The following ZNF33A variants were observed in gnomAD, a reference collection of about 807,000 sequenced individuals.
ZNF33A encodes the protein zinc finger protein 33A.
ZNF33A carries 9 observed loss-of-function variants against 15.9 expected under a neutral mutation model. The ratio of observed to expected loss-of-function variants is 0.57; its 90% confidence interval spans 0.34 to 0.99. The LOEUF is 0.99. ZNF33A is among the 50% of genes least tolerant of loss of function. ZNF33A has a pLI of 0.02. For synonymous variants in ZNF33A, 294 were observed against 324.2 expected (o/e 0.91, Z 1.00); for missense variants, 843 against 941.6 (o/e 0.90, Z 1.37).
At chr10:38,015,925 G>A (rs1275289302) in intron 2 of ZNF33A, 3 of 1,112,026 alleles carry the variant, frequency 2.7e-6, no homozygotes, top group African/African-American at 1.6e-5. Flanking sequence ...TGTAATTTCA[G>A]TATATGCTCA....
Position 38,055,293 on chromosome 10 carries a change from G to T in ZNF33A, c.1169G>T (p.Cys390Phe). ...TGEKPFECNE[C>F]GKAFSHKSAL... ...GAGAAACCTTTTGAATGCAATGAATGTGGGAAAGCCTTTAGCCATAAGTCA... is the reference window on the plus strand; with the variant it reads ...GAGAAACCTTTTGAATGCAATGAATTTGGGAAAGCCTTTAGCCATAAGTCA... Residue 390 changes from cysteine to phenylalanine, a missense_variant, in exon 5 of 5, where the codon TGT becomes TTT. Cys to Phe is a radical substitution (Grantham distance 205, BLOSUM62 -2). Coordinates refer to ENST00000432900, the MANE Select transcript of ZNF33A (RefSeq NM_006954.2). 3 of 1,614,104 alleles carry T rather than the reference G, an allele frequency of 1.9e-6. No homozygotes were observed. The highest frequency in any genetic ancestry group is 1.3e-5 in the African/African-American group (1 of 75,040).
downstream of ZNF33A, among the ~76,000 whole-genome samples, chr10:38,060,587 T>C (rs949372330): frequency 7.2e-5 from 11 of 152,188 alleles, 1 homozygote; most frequent in African/African-American, 7.2e-5. Context: ...CTAGATCTTA[T>C]CTGTCCAGTG....
At chr10:38,023,878 G>T (rs1175973078) in intron 4 of ZNF33A, among the ~76,000 whole-genome samples, 1 of 152,150 alleles carries the variant, frequency 6.6e-6, no homozygotes, top group Non-Finnish European at 1.5e-5. Context: ...AAAACCTCAG[G>T]CCAGGCGCAG....
intron 4 of ZNF33A, among the ~76,000 whole-genome samples, chr10:38,035,587 G>A (rs2065413521): frequency 6.6e-6 from 1 of 152,102 alleles, no homozygotes; most frequent in Non-Finnish European, 1.5e-5. Flanking sequence ...AAGTAATTAA[G>A]GTCAGGACTT....
At chr10:38,065,492 A>G (rs1231540008), downstream of ZNF33A, among the ~76,000 whole-genome samples, 1 of 152,228 alleles carries the variant, frequency 6.6e-6, no homozygotes, top group East Asian at 1.9e-4. Context: ...GGCAGTTTGT[A>G]AAACTGTTAC....
intron 4 of ZNF33A, among the ~76,000 whole-genome samples, chr10:38,024,936 C>A (rs1029422337): frequency 6.6e-6 from 1 of 152,220 alleles, no homozygotes; most frequent in African/African-American, 2.4e-5. Flanking sequence ...TTTATTGTCA[C>A]AATATGTGTT....
intron 4 of ZNF33A, among the ~76,000 whole-genome samples, chr10:38,051,478 G>GAATACATGTTACTTTCAATTAT (rs1464020637): frequency 6.6e-6 from 1 of 151,936 alleles, no homozygotes; most frequent in Non-Finnish European, 1.5e-5. Flanking sequence ...CATTTGCCAA[G>GAATACATGTTACTTTCAATTAT]AATACATGTT....
chr10:38,067,254 A>G (rs1277535744), downstream of ZNF33A, among the ~76,000 whole-genome samples: 1 of 152,154 alleles, frequency 6.6e-6, no homozygotes, highest in Non-Finnish European at 1.5e-5. Context: ...CTTTCAGTTC[A>G]TTCTTAACAT....
At chr10:38,062,338 A>G (rs1482964523), downstream of ZNF33A, among the ~76,000 whole-genome samples, 1 of 152,200 alleles carries the variant, frequency 6.6e-6, no homozygotes, top group African/African-American at 2.4e-5. Context: ...CATGGTTCAC[A>G]CAAATGGACG....
intron 4 of ZNF33A, among the ~76,000 whole-genome samples, chr10:38,019,229 T>C (rs1321600855): frequency 6.6e-6 from 1 of 151,158 alleles, no homozygotes; most frequent in African/African-American, 2.4e-5. Context: ...AGTGAGAACA[T>C]GCAGTGTTTG....
intron 4 of ZNF33A, among the ~76,000 whole-genome samples, chr10:38,023,864 GA>G (rs912969410): frequency 5.9e-5 from 9 of 152,034 alleles, no homozygotes; most frequent in Non-Finnish European, 1.0e-4. Context: ...AGGAATCTTA[GA>G]AAAAAACCTC....
downstream of ZNF33A, among the ~76,000 whole-genome samples, chr10:38,060,769 A>G (rs1392467089): frequency 2.0e-5 from 3 of 152,182 alleles, no homozygotes; most frequent in Non-Finnish European, 2.9e-5. Context: ...GACAGGTTCC[A>G]TATTATGGCA....
downstream of ZNF33A, among the ~76,000 whole-genome samples, chr10:38,063,052 C>T (rs1352926246): frequency 1.3e-5 from 2 of 149,280 alleles, no homozygotes; most frequent in Non-Finnish European, 3.0e-5. Flanking sequence ...TATCCTGTGC[C>T]GGTCATCTGG....
rs1564879846 is a variant in ZNF33A at position 38,055,444 on chromosome 10, CTATGAATGT to C, written c.1330_1338del (p.Tyr444_Cys446del). 1 of 1,614,042 alleles carries C rather than the reference CTATGAATGT, an allele frequency of 6.2e-7. No homozygotes were observed. Among genetic ancestry groups the C allele is most frequent in the South Asian group, 1.1e-5 (1 of 91,080 alleles). On this transcript the variant is annotated inframe_deletion, in exon 5 of 5. Coordinates refer to ENST00000432900, the MANE Select transcript of ZNF33A (RefSeq NM_006954.2). Reference sequence around the variant, plus strand: ...AGAGAACACACACAGGGCTGAAACCCTATGAATGTTATGAATGTGGAAAATCCTTCCGTG... The same window carrying C: ...AGAGAACACACACAGGGCTGAAACCCTATGAATGTGGAAAATCCTTCCGTG...
In ZNF33A at chr10:38,057,320, T is replaced by TCC. The variant is rs2066527384; in HGVS notation, c.*761_*762dup. The TCC allele has an allele frequency of 3.0e-6, 3 of 985,294 alleles. No individual in the cohort carries two copies. Among genetic ancestry groups the TCC allele is most frequent in the Non-Finnish European group, 3.6e-6 (3 of 829,932 alleles). The allele number at this position is 985,294 out of a possible 1,614,324, so 61.0% of individuals were successfully genotyped here. On this transcript the variant is annotated 3_prime_UTR_variant, in exon 5 of 5. Coordinates refer to ENST00000432900, the MANE Select transcript of ZNF33A (RefSeq NM_006954.2). ...GCTTTCTGCAACCCTATCCCTTGCA[T>TCC]CCACTTGACTATGAAGTTTTTTTAA...
Position 38,017,047 on chromosome 10 carries a change from G to A in ZNF33A, c.154+32G>A, listed in dbSNP as rs146107502. On this transcript the variant is annotated intron_variant, in intron 3 of 4. Coordinates refer to ENST00000432900, the MANE Select transcript of ZNF33A (RefSeq NM_006954.2). ...TCTGTTCACTGTATCATTCTAAATA[G>A]CATTTGTTTATTCTTTTGATTATGA... 2,578 of 1,585,282 alleles carry A rather than the reference G, an allele frequency of 1.6e-3. 46 individuals are homozygous for A. The African/African-American group carries it at 0.031, about 19-fold the overall frequency.
chr10:38,021,095 T>C (rs1390648271), intron 4 of ZNF33A, among the ~76,000 whole-genome samples: 1 of 152,166 alleles, frequency 6.6e-6, no homozygotes, highest in African/African-American at 2.4e-5. Context: ...CCTAAAAATG[T>C]TTTCTTAGGA....
chr10:38,049,961 G>C (rs961502922), intron 4 of ZNF33A, among the ~76,000 whole-genome samples: 1 of 152,148 alleles, frequency 6.6e-6, no homozygotes, highest in South Asian at 2.1e-4. Context: ...TGACGATTTT[G>C]ATGAAATGAA....
intron 2 of ZNF33A, among the ~76,000 whole-genome samples, chr10:38,014,786 T>C (rs1232371680): frequency 6.6e-6 from 1 of 152,234 alleles, no homozygotes; most frequent in East Asian, 1.9e-4. Flanking sequence ...TCTTCCTAGT[T>C]CCTTGCATTT....
Sources: gnomAD v4.1 joint callset for allele counts (sites outside exome capture counted in the v4.1 genomes callset) on GRCh38, gnomAD v4.1.1 for gene constraint, MANE v1.5 for transcripts, NCBI Gene and HGNC (gene_info 2026-07-23, HGNC 2026-07-21) for gene names.